The following ARHGAP45 variants were observed in gnomAD, a reference collection of about 807,000 sequenced individuals.
ARHGAP45 encodes Rho GTPase activating protein 45.
A neutral mutation model predicts 116.1 loss-of-function variants in ARHGAP45; 56 were observed. The ratio of observed to expected loss-of-function variants is 0.48; its 90% confidence interval spans 0.39 to 0.60. The LOEUF (loss-of-function observed/expected upper bound fraction) is 0.60, where lower values mean the gene tolerates loss of function less well. Ranked by LOEUF, ARHGAP45 falls within the 20% of genes least tolerant of loss-of-function variation. ARHGAP45 has a pLI of 0.00. For missense variants in ARHGAP45, 1,622 were observed against 1,601.0 expected, an observed-to-expected ratio of 1.01 and a Z score of -0.22; for synonymous variants, 866 against 701.7, an observed-to-expected ratio of 1.23 and a Z score of -3.70.
chr19:1,084,927 C>T lies in ARHGAP45; in HGVS notation c.3064+581C>T, dbSNP rs149425860. On this transcript the variant is annotated intron_variant, in intron 22 of 22. Transcript: ENST00000313093. ...TGAAATCCCATCTCTACTAAAAATACAAAAATTAGACAGGTGTGGTGGAGG... is the reference window on the plus strand; with the variant it reads ...TGAAATCCCATCTCTACTAAAAATATAAAAATTAGACAGGTGTGGTGGAGG... Among the ~76,000 whole-genome samples, 1,073 of 152,202 alleles carry T rather than the reference C, an allele frequency of 7.0e-3. 5 individuals are homozygous for T. Among genetic ancestry groups the T allele is most frequent in the Non-Finnish European group, 0.011 (749 of 68,002 alleles).
At chr19:1,083,107 G>A (rs1288650889) in intron 20 of ARHGAP45, 36 bp from the exon 21 acceptor site, 4 of 1,575,988 alleles carry the variant, frequency 2.5e-6, no homozygotes, top group Non-Finnish European at 3.4e-6. Context: ...GGGGTCCCGG[G>A]AGCCGCTCAG....
Position 1,068,564 on chromosome 19 carries a change from G to T in ARHGAP45, c.241G>T (p.Gly81Cys), listed in dbSNP as rs765491257. The T allele has an allele frequency of 1.2e-6, 2 of 1,609,802 alleles. No individual in the cohort carries two copies. Among genetic ancestry groups the T allele is most frequent in the East Asian group, 2.2e-5 (1 of 44,786 alleles). The change falls in exon 2 of 23, where the codon GGT becomes TGT. Residue 81 changes from glycine to cysteine, a missense_variant. Gly to Cys is a radical substitution (Grantham distance 159, BLOSUM62 -3). Transcript: ENST00000313093. This position sits in a 1 kb window ranked among gnomAD's most constrained non-coding sequence, Gnocchi z 7.5. ...HASAAGFPLS[G>C]AASWTLGRSH... ...CAGCGCGGCTGGCTTCCCCCTGTCG[G>T]GTGCTGCCTCCTGGACACTGGGCCG...
chr19:1,080,192 C>T, intron 13 of ARHGAP45, 63 bp from the exon 14 acceptor site: 1 of 1,610,340 alleles, frequency 6.2e-7, no homozygotes, highest in Non-Finnish European at 8.5e-7. Context: ...CTGTCGGGGG[C>T]ATGAAGATGA....
intron 21 of ARHGAP45, 92 bp from the exon 22 acceptor site, chr19:1,084,146 T>A: frequency 8.4e-7 from 1 of 1,184,146 alleles, no homozygotes; most frequent in Non-Finnish European, 1.3e-6. Context: ...CGGGTGTCAG[T>A]AGCTGTTACG....
At position 1,080,277 on chromosome 19, in the gene ARHGAP45, A is replaced by G; in HGVS notation, c.1726A>G (p.Lys576Glu). 1 of 1,612,602 alleles carries G rather than the reference A, an allele frequency of 6.2e-7. No homozygotes were observed. Among genetic ancestry groups the G allele is most frequent in the Non-Finnish European group, 8.5e-7 (1 of 1,179,852 alleles). ...TAGGTCCCCCGTCATGCGTGCCCGG[A>G]AGAGCAGCTTCAACGTGAGTGATGT... ...NAWSPVMRAR[K>E]SSFNVSDVAR... The change falls in exon 14 of 23, where the codon AAG becomes GAG. Residue 576 changes from lysine to glutamate, a missense_variant. By Grantham distance (56) the Lys-to-Glu change is moderately conservative. Around this residue, in one of 3 missense-constraint regions of ARHGAP45, gnomAD observed 1,334 missense variants for 1,263.8 expected, o/e 1.06. Coordinates refer to ENST00000313093, the MANE Select transcript of ARHGAP45 (RefSeq NM_012292.5).
rs2043051278 is a variant in ARHGAP45, at chr19:1,067,215, G to T, written c.-191G>T. 1 of 1,354,852 alleles carries T rather than the reference G, an allele frequency of 7.4e-7. No homozygotes were observed. Among genetic ancestry groups the T allele is most frequent in the Non-Finnish European group, 9.4e-7 (1 of 1,059,662 alleles). The allele number at this position is 1,354,852 out of a possible 1,614,324, so 83.9% of individuals were successfully genotyped here. ...GCCGGGAAGGGTCGGGGGCGAGGCC[G>T]CGTCGCCGCCTCCCCGAAGCCTTTT... On this transcript the variant is annotated 5_prime_UTR_variant, in exon 1 of 23. Transcript: ENST00000313093.
chr19:1,077,208 A>G, intron 10 of ARHGAP45: 2 of 985,342 alleles, frequency 2.0e-6, no homozygotes, highest in Non-Finnish European at 2.4e-6. Context: ...AAGTGAAAGC[A>G]AAAGAGCCCG....
In ARHGAP45 at chr19:1,085,578, C is replaced by CATCTCTCCTGTCTGTCCCT. The variant is rs1240942476; in HGVS notation, c.3065-81_3065-63dup. Reference sequence around the variant, plus strand: ...CTCTCCCCCCTCTCCTGTCTCTCCCCATCTCTCCTGTCTGTCCCTCCCCTT... The same window carrying CATCTCTCCTGTCTGTCCCT: ...CTCTCCCCCCTCTCCTGTCTCTCCCCATCTCTCCTGTCTGTCCCTATCTCTCCTGTCTGTCCCTCCCCTT... On this transcript the variant is annotated intron_variant, in intron 22 of 22. Transcript: ENST00000313093. The CATCTCTCCTGTCTGTCCCT allele has an allele frequency of 1.3e-5, 13 of 1,033,014 alleles. No individual in the cohort carries two copies. In the African/African-American group the frequency reaches 1.5e-4, roughly 12 times the overall value. The allele number at this position is 1,033,014 out of a possible 1,614,324, so 64.0% of individuals were successfully genotyped here. A position where few individuals can be genotyped will look rare whatever the true frequency, so the allele number is the denominator to read the frequency against.
Position 1,068,594 on chromosome 19 carries a change from C to T in ARHGAP45, c.271C>T (p.His91Tyr), listed in dbSNP as rs35504437. Residue 91 changes from histidine (H) to tyrosine (Y), a missense_variant, in exon 2 of 23, where the codon CAC becomes TAC. Around this residue, in one of 3 missense-constraint regions of ARHGAP45, gnomAD observed 279 missense variants for 311.9 expected, o/e 0.89. Transcript: ENST00000313093. The surrounding 1 kb of genome is among the most constrained non-coding windows in gnomAD (Gnocchi z 7.5). ...GAASWTLGRS[H>Y]RSPLTAASPG... ...TGCCTCCTGGACACTGGGCCGGAGCCACCGGAGCCCACTGACAGCCGCCAG... is the reference window on the plus strand; with the variant it reads ...TGCCTCCTGGACACTGGGCCGGAGCTACCGGAGCCCACTGACAGCCGCCAG... 3.3e-4 allele frequency: 530 copies of T among 1,610,994 alleles called. 2 individuals carry two copies. The African/African-American group carries it at 6.4e-3, about 19-fold the overall frequency.
chr19:1,077,371 G>A (rs2043278354), intron 10 of ARHGAP45: 6 of 976,622 alleles, frequency 6.1e-6, no homozygotes, highest in Middle Eastern at 5.2e-4. Flanking sequence ...GCCTCCTCCC[G>A]TTCTTTTTTT....
rs2043401997 is a variant in ARHGAP45 at position 1,080,529 on chromosome 19, G to A, written c.1894G>A (p.Asp632Asn). ...LSISDSDSGL[D>N]PGPGAGDFKK... ...GATCTCAGACTCGGACAGTGGGCTG[G>A]ACCCCGGCCCTGGCGCAGGTGAGGG... The change falls in exon 15 of 23, where the codon GAC becomes AAC. Residue 632 changes from aspartate (D) to asparagine (N), a missense_variant. Physicochemically the swap from Asp to Asn is conservative, Grantham distance 23 (BLOSUM62 1). Around this residue, in one of 3 missense-constraint regions of ARHGAP45, gnomAD observed 1,334 missense variants for 1,263.8 expected, o/e 1.06. Transcript: ENST00000313093. 1 of 1,612,798 alleles carries A rather than the reference G, an allele frequency of 6.2e-7. No homozygotes were observed. The highest frequency in any genetic ancestry group is 1.1e-5 in the South Asian group (1 of 91,084).
In ARHGAP45 at chr19:1,080,297, T is replaced by C; in HGVS notation, c.1746T>C (p.Ser582=). 6.2e-7 allele frequency: 1 copy of C among 1,612,180 alleles called. No homozygotes were observed. The highest frequency in any genetic ancestry group is 1.1e-5 in the South Asian group (1 of 91,062). ...MRARKSSFNV[S]DVARPEAAGS... is the part of the protein sequence containing the mutation. ...CCCGGAAGAGCAGCTTCAACGTGAGTGATGTGGCGCGGCCGGAGGCTGCCG... is the reference window on the plus strand; with the variant it reads ...CCCGGAAGAGCAGCTTCAACGTGAGCGATGTGGCGCGGCCGGAGGCTGCCG... Residue 582 remains serine, a synonymous_variant, in exon 14 of 23, where the codon AGT becomes AGC. Coordinates refer to ENST00000313093, the MANE Select transcript of ARHGAP45 (RefSeq NM_012292.5).
At chr19:1,078,114 C>G in intron 11 of ARHGAP45, 69 bp downstream of exon 11, 1 of 1,497,412 alleles carries the variant, frequency 6.7e-7, no homozygotes, top group African/African-American at 1.4e-5. Flanking sequence ...GTGACATTTA[C>G]TACCTCCAGA....
chr19:1,077,554 T>C (rs2043286586), intron 10 of ARHGAP45: 2 of 1,131,756 alleles, frequency 1.8e-6, no homozygotes, highest in African/African-American at 1.6e-5. Flanking sequence ...CGGCTAATTG[T>C]TTTAAATTTT....
intron 10 of ARHGAP45, 118 bp downstream of exon 10, chr19:1,074,997 C>A: frequency 1.2e-6 from 1 of 823,044 alleles, no homozygotes; most frequent in Non-Finnish European, 1.6e-6. Flanking sequence ...CCCCGGCCTC[C>A]TGCGCATGCG....
At chr19:1,075,072 G>C (rs13346804) in intron 10 of ARHGAP45, among the ~76,000 whole-genome samples, 193 bp downstream of exon 10, 1 of 148,606 alleles carries the variant, frequency 6.7e-6, no homozygotes, top group Admixed American at 6.7e-5. Context: ...CAGCCCCGTC[G>C]CCCCCAGCTC....
In ARHGAP45 at chr19:1,085,951, G is replaced by T. The variant is rs139251906; in HGVS notation, c.3356G>T (p.Arg1119Leu). Residue 1119 changes from arginine to leucine, a missense_variant, in exon 23 of 23, where the codon CGT (arginine) becomes CTT (leucine). Transcript: ENST00000313093. ...LQAPLPPMRL[R>L]GGRMTLGSCR... ...GCCCCACTGCCCCCCATGAGGCTCC[G>T]TGGCGGGCGGATGACACTGGGCTCC... The T allele has an allele frequency of 1.2e-6, 2 of 1,612,926 alleles. No individual in the cohort carries two copies. Among genetic ancestry groups the T allele is most frequent in the Non-Finnish European group, 1.7e-6 (2 of 1,179,930 alleles).
rs2043646070 is a variant in ARHGAP45 at position 1,086,249 on chromosome 19, C to T, written c.*243C>T. 5.7e-6 allele frequency: 3 copies of T among 524,906 alleles called. No individual in the cohort carries two copies. Among genetic ancestry groups the T allele is most frequent in the African/African-American group, 1.9e-5 (1 of 52,388 alleles). The allele number at this position is 524,906 out of a possible 1,614,324, so 32.5% of individuals were successfully genotyped here. A position where few individuals can be genotyped will look rare whatever the true frequency, so the allele number is the denominator to read the frequency against. On this transcript the variant is annotated 3_prime_UTR_variant, in exon 23 of 23. Transcript: ENST00000313093. The stretch of plus-strand genomic sequence containing the variant: ...ACCCCGGCTCAGCTGAGCTGGGGAA[C>T]ACTGCTGTCGTGTGAAGTCACAGTG...
intron 10 of ARHGAP45, among the ~76,000 whole-genome samples, chr19:1,075,375 G>C (rs2043225977): frequency 6.6e-6 from 1 of 151,700 alleles, no homozygotes; most frequent in Non-Finnish European, 1.5e-5. Context: ...GTCCCGAGTA[G>C]CTGGGATTAC....
Sources: gnomAD v4.1 joint callset for allele counts (sites outside exome capture counted in the v4.1 genomes callset) on GRCh38, gnomAD v4.1.1 for gene constraint, gnomAD v4.1.1 regional missense constraint, Gnocchi (gnomAD v3.1) non-coding constraint, MANE v1.5 for transcripts, NCBI Gene and HGNC (gene_info 2026-07-23, HGNC 2026-07-21) for gene names.